Variants in SEMA6D observed in about 807,000 individuals in gnomAD.
SEMA6D encodes semaphorin 6D, also known as semaphorin-6D.
A neutral mutation model predicts 106.6 loss-of-function variants in SEMA6D; 35 were observed. The ratio of observed to expected loss-of-function variants is 0.33; its 90% CI spans 0.25 to 0.44. The LOEUF (loss-of-function observed/expected upper bound fraction) is 0.44, where lower values mean the gene tolerates loss of function less well. Ranked by LOEUF, SEMA6D falls within the 20% of genes least tolerant of loss-of-function variation. The pLI, the probability that SEMA6D is intolerant of heterozygous loss-of-function variation, is 1.00. For missense variants in SEMA6D, 1,185 were observed against 1,345.9 expected, an observed-to-expected ratio of 0.88 and a Z score of 1.87; for synonymous variants, 499 against 487.7, an observed-to-expected ratio of 1.02 and a Z score of -0.31.
intron 4 of SEMA6D, among the ~76,000 whole-genome samples, chr15:47,644,064 C>A (rs1210538751): frequency 6.6e-6 from 1 of 152,018 alleles, no homozygotes; most frequent in Non-Finnish European, 1.5e-5. Context: ...ACCTGGGGAG[C>A]TTTTAAAAAA....
chr15:47,554,797 T>G (rs116312012), intron 3 of SEMA6D, among the ~76,000 whole-genome samples: 170 of 152,180 alleles, frequency 1.1e-3, no homozygotes, highest in African/African-American at 3.9e-3. Flanking sequence ...TTCTGTGTAT[T>G]TTCTCTAATA....
At chr15:47,383,639 C>T (rs1302539180) in intron 1 of SEMA6D, among the ~76,000 whole-genome samples, 1 of 93,114 alleles carries the variant, frequency 1.1e-5, no homozygotes, top group Non-Finnish European at 2.4e-5. Flanking sequence ...AGTTTTAACT[C>T]ATAAGGCATA....
chr15:47,467,347 G>T (rs1052451790), intron 2 of SEMA6D, among the ~76,000 whole-genome samples: 1 of 152,078 alleles, frequency 6.6e-6, no homozygotes, highest in Non-Finnish European at 1.5e-5. Context: ...ACACACTCCG[G>T]GTCTGGTTGG....
rs201476098 is a variant in SEMA6D, at chr15:47,450,612, T to TGC, written c.-158-19861_-158-19860dup. On this transcript the variant is annotated intron_variant, in intron 2 of 19. Coordinates refer to the SEMA6D transcript ENST00000558014. Reference sequence around the variant, plus strand: ...AATGTCTGGATTTTTCTAGTGTGTGTGCTGGATATCTCATAAGGTGACCTC... The same window carrying TGC: ...AATGTCTGGATTTTTCTAGTGTGTGTGCGCTGGATATCTCATAAGGTGACCTC... 5.8e-3 allele frequency among the ~76,000 whole-genome samples: 884 copies of TGC among 152,230 alleles called. 6 individuals carry two copies. The highest frequency in any genetic ancestry group is 0.016 in the Admixed American group (251 of 15,276).
intron 4 of SEMA6D, among the ~76,000 whole-genome samples, chr15:47,626,659 T>C (rs2077206965): frequency 6.6e-6 from 1 of 152,208 alleles, no homozygotes; most frequent in African/African-American, 2.4e-5. Context: ...CTTATTTTTA[T>C]GTTTTTCTGT....
At chr15:47,303,801 T>G (rs1250805828) in intron 1 of SEMA6D, among the ~76,000 whole-genome samples, 1 of 152,130 alleles carries the variant, frequency 6.6e-6, no homozygotes, top group East Asian at 1.9e-4. Context: ...CACTATTTCT[T>G]CAGTTCCAGG....
At chr15:47,201,544 A>G (rs1894725224) in intron 1 of SEMA6D, among the ~76,000 whole-genome samples, 1 of 152,158 alleles carries the variant, frequency 6.6e-6, no homozygotes, top group South Asian at 2.1e-4. Flanking sequence ...AAGTTTGGCA[A>G]CATTACTTCC....
At chr15:47,713,216 G>A (rs1480560432), upstream of SEMA6D, among the ~76,000 whole-genome samples, 1 of 152,080 alleles carries the variant, frequency 6.6e-6, no homozygotes, top group Non-Finnish European at 1.5e-5. Flanking sequence ...CCTTTCCTCA[G>A]AGTGTAGAGC....
chr15:47,695,277 C>G (rs976566621), intron 4 of SEMA6D, among the ~76,000 whole-genome samples: 4 of 152,176 alleles, frequency 2.6e-5, no homozygotes, highest in Non-Finnish European at 4.4e-5. Context: ...CTTTAAGAAT[C>G]TTGCTAGAAT....
At chr15:47,538,265 T>A (rs920954461) in intron 3 of SEMA6D, among the ~76,000 whole-genome samples, 1 of 152,194 alleles carries the variant, frequency 6.6e-6, no homozygotes, top group Non-Finnish European at 1.5e-5. Flanking sequence ...ATTATATTCT[T>A]CACATCTAGT....
intron 1 of SEMA6D, among the ~76,000 whole-genome samples, chr15:47,723,514 G>C (rs2079547319): frequency 6.6e-6 from 1 of 152,182 alleles, no homozygotes; most frequent in Non-Finnish European, 1.5e-5. Context: ...AAGACAGTGA[G>C]AGCTGCAGCT....
At chr15:47,392,787 C>T (rs1484855388) in intron 1 of SEMA6D, among the ~76,000 whole-genome samples, 1 of 152,174 alleles carries the variant, frequency 6.6e-6, no homozygotes, top group African/African-American at 2.4e-5. Context: ...AGAGTTCAGG[C>T]TTAATTCTCT....
At chr15:47,321,677 T>A (rs902560570) in intron 1 of SEMA6D, among the ~76,000 whole-genome samples, 2 of 152,232 alleles carry the variant, frequency 1.3e-5, no homozygotes, top group Admixed American at 1.3e-4. Context: ...TAAGGAGATA[T>A]AAGCATGTAT....
At chr15:47,474,796 C>T (rs2042958280) in intron 3 of SEMA6D, among the ~76,000 whole-genome samples, 1 of 152,170 alleles carries the variant, frequency 6.6e-6, no homozygotes, top group Admixed American at 6.5e-5. Context: ...GACACTGTGA[C>T]CAACTCTAGA....
rs147826850 is a variant in SEMA6D at position 47,204,872 on chromosome 15, G to C, written c.-239+20454G>C. On this transcript the variant is annotated intron_variant, in intron 1 of 19. Coordinates refer to the SEMA6D transcript ENST00000558014. ...AAAGGTTAAACTTGTTAAAGTATGG[G>C]CCTATGTAGAATTTTTCAGGTAAAG... Among the ~76,000 whole-genome samples, 215 of 152,154 alleles carry C rather than the reference G, an allele frequency of 1.4e-3. 1 individual carries two copies. The highest frequency in any genetic ancestry group is 6.8e-3 in the Middle Eastern group (2 of 294).
chr15:47,508,830 T>A (rs1008818), intron 3 of SEMA6D, among the ~76,000 whole-genome samples: 14,059 of 152,302 alleles, frequency 0.092, 947 homozygotes, highest in East Asian at 0.33. Context: ...TTTCTTGACT[T>A]ATCTATGTCT....
In SEMA6D at chr15:47,331,972, G is replaced by C. The variant is rs144202725; in HGVS notation, c.-238-80421G>C. Among the ~76,000 whole-genome samples the C allele has an allele frequency of 1.6e-3, 248 of 152,280 alleles. 1 individual carries two copies. Among genetic ancestry groups the C allele is most frequent in the African/African-American group, 5.7e-3 (238 of 41,564 alleles). ...TTGGAATGAAGAGCTCAGTAAAACA[G>C]TCCTGCCTGTTTCCTAAAACCATGT... On this transcript the variant is annotated intron_variant, in intron 1 of 19. Transcript: ENST00000558014.
chr15:47,386,920 G>A (rs2039857764), intron 1 of SEMA6D, among the ~76,000 whole-genome samples: 1 of 152,244 alleles, frequency 6.6e-6, no homozygotes, highest in Non-Finnish European at 1.5e-5. Flanking sequence ...TAGGGGTAAG[G>A]GATGGCAATG....
Position 47,681,328 on chromosome 15 carries a change from C to T in SEMA6D, c.-54-78417C>T, listed in dbSNP as rs781200119. The stretch of plus-strand genomic sequence containing the variant: ...GATGAACCTTGAGAAGATTAAGCTA[C>T]GTGAAATAAGCCAGTCACAGAAGGA... On this transcript the variant is annotated intron_variant, in intron 4 of 19. Transcript: ENST00000558014. Among the ~76,000 whole-genome samples, 6 of 152,132 alleles carry T rather than the reference C, an allele frequency of 3.9e-5. No homozygotes were observed. In the East Asian group the frequency reaches 5.8e-4, roughly 15 times the overall value.
Sources: gnomAD v4.1 joint callset for allele counts (sites outside exome capture counted in the v4.1 genomes callset) on GRCh38, gnomAD v4.1.1 for gene constraint, MANE v1.5 for transcripts, NCBI Gene and HGNC (gene_info 2026-07-23, HGNC 2026-07-21) for gene names.